Variants in CLINT1 observed in about 807,000 individuals in gnomAD.
CLINT1 encodes the protein clathrin interactor 1.
CLINT1 carries 15 observed loss-of-function variants against 70.4 expected under a neutral mutation model. The observed-to-expected ratio is 0.21, with a 90% CI of 0.14 to 0.33. The LOEUF (loss-of-function observed/expected upper bound fraction) is 0.33, where lower values mean the gene tolerates loss of function less well. Ranked by LOEUF, CLINT1 falls within the 10% of genes least tolerant of loss-of-function variation. CLINT1 has a pLI of 1.00. For missense variants in CLINT1, 615 were observed against 778.1 expected (o/e 0.79, Z 2.49); for synonymous variants, 227 against 254.7 (o/e 0.89, Z 1.04).
At chr5:157,797,117 C>T (rs1762092113) in intron 8 of CLINT1, among the ~76,000 whole-genome samples, 2 of 152,068 alleles carry the variant, frequency 1.3e-5, no homozygotes, top group Non-Finnish European at 2.9e-5. Context: ...TTTAAACAAG[C>T]ACACATATTA....
chr5:157,837,648 A>T (rs375465692), intron 1 of CLINT1, among the ~76,000 whole-genome samples: 51 of 70,194 alleles, frequency 7.3e-4, no homozygotes, highest in Non-Finnish European at 1.1e-3. Flanking sequence ...AAGCTCTTTT[A>T]CTTTTTTTTT....
intron 8 of CLINT1, among the ~76,000 whole-genome samples, chr5:157,798,364 C>T (rs1318843850): frequency 6.6e-6 from 1 of 152,196 alleles, no homozygotes. Flanking sequence ...TGAACCACTT[C>T]CATCTGCCTT....
chr5:157,816,954 T>C (rs1762738893), intron 2 of CLINT1, 124 bp from the exon 3 acceptor site: 3 of 642,078 alleles, frequency 4.7e-6, no homozygotes, highest in African/African-American at 1.9e-5. Flanking sequence ...ATTCAAAAAA[T>C]TTAGAAGATA....
chr5:157,850,783 T>C (rs897146891), intron 1 of CLINT1, among the ~76,000 whole-genome samples: 10 of 151,932 alleles, frequency 6.6e-5, no homozygotes, highest in South Asian at 2.1e-4. Flanking sequence ...AGCATTGTTC[T>C]TTTTTTTAAT....
chr5:157,858,051 T>C (rs901557623), intron 1 of CLINT1, among the ~76,000 whole-genome samples: 1 of 152,214 alleles, frequency 6.6e-6, no homozygotes, highest in African/African-American at 2.4e-5. Flanking sequence ...ATACCTGATA[T>C]ACTCATTTTA....
At chr5:157,807,818 G>GT (rs1762431873) in intron 6 of CLINT1, among the ~76,000 whole-genome samples, 1 of 152,030 alleles carries the variant, frequency 6.6e-6, no homozygotes, top group South Asian at 2.1e-4. Context: ...AGGAGAGAAA[G>GT]TAACAATACA....
intron 1 of CLINT1, among the ~76,000 whole-genome samples, chr5:157,824,436 G>C (rs955446595): frequency 6.6e-6 from 1 of 152,168 alleles, no homozygotes; most frequent in Non-Finnish European, 1.5e-5. Flanking sequence ...CTATAGAAAT[G>C]ATGTGGGGAG....
At chr5:157,840,863 G>T (rs529618266) in intron 1 of CLINT1, among the ~76,000 whole-genome samples, 1 of 151,966 alleles carries the variant, frequency 6.6e-6, no homozygotes, top group African/African-American at 2.4e-5. Flanking sequence ...GAGCAACACA[G>T]CGAGACCCCA....
intron 6 of CLINT1, among the ~76,000 whole-genome samples, chr5:157,806,602 A>G (rs1415896660): frequency 6.6e-6 from 1 of 152,192 alleles, no homozygotes; most frequent in Non-Finnish European, 1.5e-5. Flanking sequence ...AAATAATAAA[A>G]GTTCAATGGA....
chr5:157,837,531 T>C (rs1009999813), intron 1 of CLINT1, among the ~76,000 whole-genome samples: 5 of 152,138 alleles, frequency 3.3e-5, no homozygotes, highest in African/African-American at 1.2e-4. Context: ...GAAATGTCAA[T>C]TATGTGTTGT....
At chr5:157,842,906 C>T (rs933203969) in intron 1 of CLINT1, among the ~76,000 whole-genome samples, 12 of 152,182 alleles carry the variant, frequency 7.9e-5, no homozygotes, top group African/African-American at 2.7e-4. Flanking sequence ...CTTAAGGCCA[C>T]TTGCACAGCT....
At chr5:157,801,677 A>C (rs2113161414) in intron 8 of CLINT1, among the ~76,000 whole-genome samples, 1 of 152,260 alleles carries the variant, frequency 6.6e-6, no homozygotes, top group South Asian at 2.1e-4. Context: ...TACTAAATAT[A>C]CAAAAATTAG....
intron 1 of CLINT1, among the ~76,000 whole-genome samples, chr5:157,852,791 G>C (rs1478078545): frequency 6.6e-6 from 1 of 152,148 alleles, no homozygotes; most frequent in Non-Finnish European, 1.5e-5. Flanking sequence ...AAGTATAGTG[G>C]CAAAGTATAT....
chr5:157,846,316 G>A (rs1309530713), intron 1 of CLINT1, among the ~76,000 whole-genome samples: 1 of 152,226 alleles, frequency 6.6e-6, no homozygotes, highest in Non-Finnish European at 1.5e-5. Flanking sequence ...AATGATAAGT[G>A]AAACAGAGCT....
intron 8 of CLINT1, among the ~76,000 whole-genome samples, chr5:157,802,182 A>T (rs1762245365): frequency 6.6e-6 from 1 of 152,182 alleles, no homozygotes; most frequent in Non-Finnish European, 1.5e-5. Context: ...GGTGTGAGCC[A>T]CTGTGCACAG....
At position 157,855,507 on chromosome 5, in the gene CLINT1, T is replaced by C. The variant is rs185225102; in HGVS notation, c.41+3423A>G. ...TTATGCAACTTGACGAGTGGGAAGA[T>C]ACTGGCATTCCAAGCTCTGGCAGGC... On this transcript the variant is annotated intron_variant, in intron 1 of 11. Transcript: ENST00000411809. Among the ~76,000 whole-genome samples, 39 of 152,284 alleles carry C rather than the reference T, an allele frequency of 2.6e-4. No homozygotes were observed. In the East Asian group the frequency reaches 5.8e-3, roughly 23 times the overall value.
rs931284936 is a variant in CLINT1 at position 157,844,505 on chromosome 5, A to G, written c.41+14425T>C. On this transcript the variant is annotated intron_variant, in intron 1 of 11. Transcript: ENST00000411809. ...TGTGGTTACTATTTAATAAGCACTC[A>G]GTGAAGGACCCTTACAAGGTCAGCC... Among the ~76,000 whole-genome samples, 5 of 152,346 alleles carry G rather than the reference A, an allele frequency of 3.3e-5. No homozygotes were observed. In the South Asian group the frequency reaches 1.0e-3, roughly 32 times the overall value.
intron 1 of CLINT1, among the ~76,000 whole-genome samples, chr5:157,857,675 G>C (rs1233626412): frequency 3.9e-5 from 6 of 152,162 alleles, no homozygotes; most frequent in Non-Finnish European, 7.4e-5. Flanking sequence ...GAGAAAACTA[G>C]GGCACTGTGA....
At chr5:157,806,342 C>T (rs1455838333) in intron 6 of CLINT1, among the ~76,000 whole-genome samples, 4 of 151,808 alleles carry the variant, frequency 2.6e-5, no homozygotes, top group African/African-American at 9.7e-5. Flanking sequence ...TAAAATACTG[C>T]TACAAAAAAG....
Sources: allele counts gnomAD v4.1 joint callset (sites outside exome capture counted in the v4.1 genomes callset), GRCh38; gene constraint gnomAD v4.1.1; transcripts MANE v1.5; gene names NCBI Gene and HGNC (gene_info 2026-07-23, HGNC 2026-07-21).